The following PCDHGA3 variants were observed in gnomAD, a reference collection of about 807,000 sequenced individuals.
PCDHGA3 encodes the protein protocadherin gamma subfamily A, 3.
Under a neutral mutation model 58.5 loss-of-function variants are expected in PCDHGA3, and 40 were observed. The observed-to-expected ratio is 0.68, with a 90% CI of 0.53 to 0.89. The LOEUF is 0.89. PCDHGA3 is among the 40% of genes least tolerant of loss of function. The pLI, the probability that PCDHGA3 is intolerant of heterozygous loss-of-function variation, is 0.00. For missense variants in PCDHGA3, 1,223 were observed against 1,195.9 expected (o/e 1.02, Z -0.33); for synonymous variants, 530 against 525.7 (o/e 1.01, Z -0.11).
chr5:141,375,239 A>G, intron 1 of PCDHGA3: 2 of 1,613,974 alleles, frequency 1.2e-6, no homozygotes, highest in Admixed American at 1.7e-5. Context: ...AACCTGTTCC[A>G]TCCCGAGAAG....
intron 3 of PCDHGA3, among the ~76,000 whole-genome samples, chr5:141,509,907 C>T (rs149338646): frequency 3.3e-5 from 5 of 152,182 alleles, no homozygotes; most frequent in South Asian, 2.1e-4. Context: ...TTCCAGCATG[C>T]GCTTAGGTAC....
chr5:141,434,768 T>C (rs6580188), intron 1 of PCDHGA3, among the ~76,000 whole-genome samples: 81,499 of 151,296 alleles, frequency 0.54, 23,977 homozygotes, highest in African/African-American at 0.79. Context: ...CACTTCACAC[T>C]TCTAAAAAAA....
Position 141,437,358 on chromosome 5 carries a change from T to C in PCDHGA3, c.2425-57449T>C, listed in dbSNP as rs115917828. ...CTTCACTGTTTTATAGTACCTAAAATTGGAATGTAATCAGTCAGAAGACAT... is the reference window on the plus strand; with the variant it reads ...CTTCACTGTTTTATAGTACCTAAAACTGGAATGTAATCAGTCAGAAGACAT... On this transcript the variant is annotated intron_variant, in intron 1 of 3. Coordinates refer to ENST00000253812, the MANE Select transcript of PCDHGA3 (RefSeq NM_018916.4). 4.6e-3 allele frequency among the ~76,000 whole-genome samples: 702 copies of C among 152,356 alleles called. 4 individuals carry two copies. Among genetic ancestry groups the C allele is most frequent in the African/African-American group, 0.015 (639 of 41,574 alleles).
intron 1 of PCDHGA3, chr5:141,382,817 A>G (rs1778464992): frequency 3.9e-6 from 5 of 1,269,918 alleles, no homozygotes; most frequent in Non-Finnish European, 4.4e-6. Flanking sequence ...TCCCCTTCCT[A>G]AGACAGAGGG....
intron 1 of PCDHGA3, chr5:141,408,051 C>G (rs894200228): frequency 3.2e-5 from 41 of 1,264,370 alleles, no homozygotes; most frequent in African/African-American, 1.1e-4. Flanking sequence ...CCACACAGAG[C>G]CTCCCGGCTG....
At chr5:141,394,769 C>A in intron 1 of PCDHGA3, 1 of 1,613,514 alleles carries the variant, frequency 6.2e-7, no homozygotes, top group African/African-American at 1.3e-5. Context: ...ATGGCCAGCC[C>A]CCTCTCTCCG....
Position 141,364,526 on chromosome 5 carries a change from A to G in PCDHGA3, c.2424+18069A>G, listed in dbSNP as rs532623040. The G allele has an allele frequency of 8.7e-6, 14 of 1,614,060 alleles. No homozygotes were observed. In the African/African-American group the frequency reaches 1.7e-4, roughly 20 times the overall value. On this transcript the variant is annotated intron_variant, in intron 1 of 3. Coordinates refer to ENST00000253812, the MANE Select transcript of PCDHGA3 (RefSeq NM_018916.4). ...GGAGCTGGCGGAGCGCGGAGTCCGC[A>G]TCGTCTCCAGAGGTAGGACGCAGCT...
At chr5:141,371,984 C>G (rs761389914) in intron 1 of PCDHGA3, 4 of 1,613,266 alleles carry the variant, frequency 2.5e-6, no homozygotes, top group Non-Finnish European at 2.5e-6. Context: ...CCTTCGAGCT[C>G]ACTCTGCAGG....
intron 1 of PCDHGA3, among the ~76,000 whole-genome samples, chr5:141,380,390 G>A (rs1339602607): frequency 6.6e-6 from 1 of 152,198 alleles, no homozygotes; most frequent in African/African-American, 2.4e-5. Context: ...AGAAAAGAGA[G>A]AAGATAATCA....
chr5:141,481,733 C>A (rs2099543522), intron 1 of PCDHGA3, among the ~76,000 whole-genome samples: 1 of 152,078 alleles, frequency 6.6e-6, no homozygotes, highest in Admixed American at 6.6e-5. Context: ...GCGGGCGGAT[C>A]ACGAGGTCAG....
intron 1 of PCDHGA3, chr5:141,388,088 C>T (rs774450859): frequency 8.8e-6 from 12 of 1,368,276 alleles, no homozygotes; most frequent in Admixed American, 2.0e-5. Flanking sequence ...AACTGCGCGT[C>T]AGTTCGGAGA....
At chr5:141,423,562 AC>A in intron 1 of PCDHGA3, 1 of 1,613,612 alleles carries the variant, frequency 6.2e-7, no homozygotes, top group Non-Finnish European at 8.5e-7. Flanking sequence ...CTATGGGGAC[AC>A]GCTCATCAGC....
intron 1 of PCDHGA3, chr5:141,360,024 G>A: frequency 7.5e-7 from 1 of 1,336,490 alleles, no homozygotes; most frequent in South Asian, 1.6e-5. Flanking sequence ...GAGAAGGCCA[G>A]TATAGATTCG....
At chr5:141,377,549 T>G (rs962793950) in intron 1 of PCDHGA3, 3 of 152,038 alleles carry the variant, frequency 2.0e-5, no homozygotes, top group African/African-American at 7.2e-5. Context: ...TGAGATATAA[T>G]TGTGTCACTG....
chr5:141,365,875 T>C (rs1408418320), intron 1 of PCDHGA3: 1 of 1,614,106 alleles, frequency 6.2e-7, no homozygotes, highest in South Asian at 1.1e-5. Flanking sequence ...GTGTCCTGTA[T>C]GCTCTGAGAT....
chr5:141,483,121 T>C (rs922863446), intron 1 of PCDHGA3, among the ~76,000 whole-genome samples: 1 of 152,052 alleles, frequency 6.6e-6, no homozygotes, highest in Admixed American at 6.6e-5. Flanking sequence ...ACAGTCTTTG[T>C]AGGAGATGAG....
At chr5:141,384,573 C>A in intron 1 of PCDHGA3, 1 of 1,614,250 alleles carries the variant, frequency 6.2e-7, no homozygotes, top group Non-Finnish European at 8.5e-7. Context: ...AGAATGACAA[C>A]CCGCCCGAGA....
intron 1 of PCDHGA3, among the ~76,000 whole-genome samples, chr5:141,452,909 T>C (rs1408054133): frequency 6.6e-6 from 1 of 152,232 alleles, no homozygotes; most frequent in Non-Finnish European, 1.5e-5. Flanking sequence ...GTTGGCATTA[T>C]ACAGTAAGAA....
At position 141,491,187 on chromosome 5, in the gene PCDHGA3, G is replaced by A. The variant is rs2099709293; in HGVS notation, c.2425-3620G>A. ...CCCAGCAGGTGGTGGTCCTGGTGAG[G>A]GACAATGGTGACCCTTCACTCTCCT... On this transcript the variant is annotated intron_variant, in intron 1 of 3. Coordinates refer to ENST00000253812, the MANE Select transcript of PCDHGA3 (RefSeq NM_018916.4). The surrounding 1 kb of genome is among the most constrained non-coding windows in gnomAD (Gnocchi z 6.9). The A allele has an allele frequency of 6.2e-7, 1 of 1,614,064 alleles. No homozygotes were observed. The highest frequency in any genetic ancestry group is 1.1e-5 in the South Asian group (1 of 91,080).
Sources: gnomAD v4.1 joint callset for allele counts (sites outside exome capture counted in the v4.1 genomes callset) on GRCh38, gnomAD v4.1.1 for gene constraint, Gnocchi (gnomAD v3.1) non-coding constraint, MANE v1.5 for transcripts, NCBI Gene and HGNC (gene_info 2026-07-23, HGNC 2026-07-21) for gene names.